The following SLC12A6 variants were observed in gnomAD, a reference collection of about 807,000 sequenced individuals.
SLC12A6 encodes K-Cl cotransporter 3.
In SLC12A6, 66 loss-of-function variants were observed where a neutral mutation model predicts 135.3. The observed-to-expected ratio is 0.49, with a 90% CI of 0.40 to 0.60. The LOEUF (loss-of-function observed/expected upper bound fraction) is 0.60, where lower values mean the gene tolerates loss of function less well. Ranked by LOEUF, SLC12A6 falls within the 20% of genes least tolerant of loss-of-function variation. SLC12A6 has a pLI of 0.00. For missense variants in SLC12A6, 1,058 were observed against 1,452.3 expected (o/e 0.73, Z 4.41); for synonymous variants, 513 against 508.8 (o/e 1.01, Z -0.11).
intron 2 of SLC12A6, among the ~76,000 whole-genome samples, chr15:34,331,508 G>A (rs752372600): frequency 2.6e-5 from 4 of 152,274 alleles, no homozygotes; most frequent in South Asian, 2.1e-4. Context: ...CACTACTCTC[G>A]TACATACATT....
At chr15:34,265,156 C>T (rs1893416378) in intron 3 of SLC12A6, among the ~76,000 whole-genome samples, 1 of 152,162 alleles carries the variant, frequency 6.6e-6, no homozygotes. Flanking sequence ...GAGATCGTGC[C>T]ACTGCACTCC....
Position 34,242,145 on chromosome 15 carries a change from T to G in SLC12A6, c.2119A>C (p.Met707Leu). The change falls in exon 17 of 26, where the codon ATG (methionine) becomes CTG (leucine). Residue 707 changes from methionine (M) to leucine (L), a missense_variant. Physicochemically the swap from Met to Leu is conservative, Grantham distance 15. Coordinates refer to ENST00000354181, the MANE Select transcript of SLC12A6 (RefSeq NM_001365088.1). ...ISSWYYAIVA[M>L]VIAGMIYKYI... Reference sequence around the variant, plus strand: ...TTGTAGATCATACCAGCTATTACCATGGCTACAATGGCATAATACCAGGAA... The same window carrying G: ...TTGTAGATCATACCAGCTATTACCAGGGCTACAATGGCATAATACCAGGAA... The G allele has an allele frequency of 6.3e-7, 1 of 1,590,310 alleles. No homozygotes were observed. Among genetic ancestry groups the G allele is most frequent in the South Asian group, 1.1e-5 (1 of 90,548 alleles).
In SLC12A6 at chr15:34,235,165, C is replaced by T. The variant is rs1891168970; in HGVS notation, c.3361+16G>A. 3 of 1,612,878 alleles carry T rather than the reference C, an allele frequency of 1.9e-6. No individual in the cohort carries two copies. The highest frequency in any genetic ancestry group is 2.5e-6 in the Non-Finnish European group (3 of 1,178,966). On this transcript the variant is annotated intron_variant, in intron 25 of 25. Transcript: ENST00000354181. ...GAGATTTTCCCTACTGGAAGCCCCA[C>T]TCTTGGAAAGGATACAGTTTTCATC...
chr15:34,309,764 C>G (rs890037357), intron 2 of SLC12A6, among the ~76,000 whole-genome samples: 6 of 151,996 alleles, frequency 3.9e-5, no homozygotes, highest in Admixed American at 2.6e-4. Context: ...GGGAAGGAGG[C>G]AGGAAAACAT....
At chr15:34,304,994 C>T (rs1419705036) in intron 2 of SLC12A6, among the ~76,000 whole-genome samples, 2 of 152,120 alleles carry the variant, frequency 1.3e-5, no homozygotes, top group African/African-American at 2.4e-5. Context: ...CATGTTTCCC[C>T]TCATAGGGGA....
chr15:34,319,130 CTTTT>C (rs926815901), intron 2 of SLC12A6, among the ~76,000 whole-genome samples: 3 of 135,372 alleles, frequency 2.2e-5, no homozygotes, highest in Admixed American at 7.4e-5. Flanking sequence ...GAACAGTTAA[CTTTT>C]TTTTTTTTTT....
intron 2 of SLC12A6, among the ~76,000 whole-genome samples, chr15:34,302,820 G>C (rs1896348029): frequency 6.6e-6 from 1 of 151,692 alleles, no homozygotes; most frequent in Admixed American, 6.6e-5. Flanking sequence ...CGTAGTAGTG[G>C]ATGTCTATAG....
At position 34,326,858 on chromosome 15, in the gene SLC12A6, C is replaced by CTTTT. The variant is rs397963192; in HGVS notation, c.271+9548_271+9551dup. On this transcript the variant is annotated intron_variant, in intron 2 of 25. Coordinates refer to ENST00000354181, the MANE Select transcript of SLC12A6 (RefSeq NM_001365088.1). ...AGGTGCACACCACCACAACTGGCTG[C>CTTTT]TTTTTTTTTTTTTTTTTTTTTTTTT... Among the ~76,000 whole-genome samples, 29 of 72,176 alleles carry CTTTT rather than the reference C, an allele frequency of 4.0e-4. 2 individuals are homozygous for CTTTT. Among genetic ancestry groups the CTTTT allele is most frequent in the East Asian group, 1.3e-3 (2 of 1,582 alleles). 47.4% of individuals were successfully genotyped at this position (72,176 alleles called of 152,430 possible).
Position 34,260,460 on chromosome 15 carries a change from G to A in SLC12A6, c.411+466C>T, listed in dbSNP as rs531868149. ...GTTTTAGTAGAGACGGGGTTTCACCGTGTCAGCCAGGATGGTCTCGATCTC... is the reference window on the plus strand; with the variant it reads ...GTTTTAGTAGAGACGGGGTTTCACCATGTCAGCCAGGATGGTCTCGATCTC... On this transcript the variant is annotated intron_variant, in intron 4 of 25. Coordinates refer to ENST00000354181, the MANE Select transcript of SLC12A6 (RefSeq NM_001365088.1). Among the ~76,000 whole-genome samples, 46 of 152,176 alleles carry A rather than the reference G, an allele frequency of 3.0e-4. 1 individual carries two copies. The South Asian group carries it at 8.7e-3, about 29-fold the overall frequency.
chr15:34,317,655 A>C lies in SLC12A6; in HGVS notation c.271+18755T>G, dbSNP rs1367145260. Among the ~76,000 whole-genome samples the C allele has an allele frequency of 5.3e-5, 8 of 152,306 alleles. No homozygotes were observed. In the East Asian group the frequency reaches 1.5e-3, roughly 29 times the overall value. On this transcript the variant is annotated intron_variant, in intron 2 of 25. Coordinates refer to ENST00000354181, the MANE Select transcript of SLC12A6 (RefSeq NM_001365088.1). ...GAGGCGGAGGTTGCAGTAAGCCGAG[A>C]TCACCCCACTGCATTCCAGCCTGGG...
chr15:34,297,373 A>C (rs1895944523), intron 2 of SLC12A6, among the ~76,000 whole-genome samples: 1 of 152,258 alleles, frequency 6.6e-6, no homozygotes, highest in South Asian at 2.1e-4. Context: ...CCATAAAAAT[A>C]GAAAGATTAC....
Position 34,237,524 on chromosome 15 carries a change from G to A in SLC12A6, c.2829C>T (p.Ile943=), listed in dbSNP as rs750191666. Residue 943 remains isoleucine, a synonymous_variant, in exon 22 of 26, where the codon ATC becomes ATT. Transcript: ENST00000354181. The part of the protein sequence containing the change: ...HKVWRKCSIR[I]FTVAQLEDNS... Reference sequence around the variant, plus strand: ...TGTCTTCTAATTGGGCTACTGTGAAGATCCGTATGCTGCACTTTCGCCACA... The same window carrying A: ...TGTCTTCTAATTGGGCTACTGTGAAAATCCGTATGCTGCACTTTCGCCACA... The A allele has an allele frequency of 2.5e-6, 4 of 1,612,562 alleles. No individual in the cohort carries two copies. The South Asian group carries it at 4.4e-5, about 18-fold the overall frequency.
chr15:34,318,776 AT>A, intron 2 of SLC12A6: 1 of 1,585,986 alleles, frequency 6.3e-7, no homozygotes, highest in Non-Finnish European at 8.6e-7. Flanking sequence ...TCAGACTGTG[AT>A]CCCTGCCTAC....
At chr15:34,336,014 A>C (rs1360652425) in intron 2 of SLC12A6, among the ~76,000 whole-genome samples, 2 of 152,246 alleles carry the variant, frequency 1.3e-5, no homozygotes, top group South Asian at 2.1e-4. Flanking sequence ...CCAGTCTTAA[A>C]GCAGACTGAA....
intron 13 of SLC12A6, among the ~76,000 whole-genome samples, chr15:34,246,503 A>T (rs1164918346): frequency 1.6e-4 from 25 of 152,212 alleles, no homozygotes; most frequent in Non-Finnish European, 4.4e-5. Context: ...AAAGCTATGA[A>T]TAAAAATTTG....
intron 2 of SLC12A6, chr15:34,318,808 C>G (rs527556779): frequency 6.5e-7 from 1 of 1,544,118 alleles, no homozygotes; most frequent in Non-Finnish European, 8.7e-7. Context: ...GGCTGGGATT[C>G]GGGAAGTACT....
At chr15:34,248,928 T>C in intron 13 of SLC12A6, among the ~76,000 whole-genome samples, 1 of 152,102 alleles carries the variant, frequency 6.6e-6, no homozygotes, top group East Asian at 1.9e-4. Context: ...ACAAATGTGT[T>C]TATACGTGGA....
rs1314539776 is a variant in SLC12A6 at position 34,239,138 on chromosome 15, G to A, written c.2459C>T (p.Ala820Val). 1.2e-6 allele frequency: 2 copies of A among 1,613,398 alleles called. No individual in the cohort carries two copies. Among genetic ancestry groups the A allele is most frequent in the Admixed American group, 1.7e-5 (1 of 59,986 alleles). The change falls in exon 20 of 26, where the codon GCA (alanine) becomes GTA (valine). Residue 820 changes from alanine to valine, a missense_variant. Coordinates refer to ENST00000354181, the MANE Select transcript of SLC12A6 (RefSeq NM_001365088.1). ...CTGGCAGAATCCTTTTACCTTCTCT[G>A]CCTCCATTAGGTGCTTTATGGTCTG... is the stretch of plus-strand genomic sequence containing the variant. ...AEQTIKHLME[A>V]EKVKGFCQLV... is the part of the protein sequence containing the mutation.
In SLC12A6 at chr15:34,297,955, G is replaced by A. The variant is rs541432914; in HGVS notation, c.272-22566C>T. On this transcript the variant is annotated intron_variant, in intron 2 of 25. Transcript: ENST00000354181. ...GGCAGACTCATTAATAGACCACGGC[G>A]GTCTGTCCATGTGCAAACATCTCTA... Among the ~76,000 whole-genome samples, 6 of 152,192 alleles carry A rather than the reference G, an allele frequency of 3.9e-5. No homozygotes were observed. The South Asian group carries it at 6.2e-4, about 16-fold the overall frequency.
Sources: allele counts gnomAD v4.1 joint callset (sites outside exome capture counted in the v4.1 genomes callset), GRCh38; gene constraint gnomAD v4.1.1; transcripts MANE v1.5; gene names NCBI Gene and HGNC (gene_info 2026-07-23, HGNC 2026-07-21).